Variants in PSD3 observed in about 807,000 individuals in gnomAD.
The protein encoded by PSD3 is pleckstrin and Sec7 domain containing 3, also known as PH and SEC7 domain-containing protein 3.
PSD3 carries 49 observed loss-of-function variants against 105.5 expected under a neutral mutation model. The observed-to-expected ratio is 0.46, with a 90% CI of 0.37 to 0.59. The LOEUF is 0.59. Ranked by LOEUF, PSD3 falls within the 20% of genes least tolerant of loss-of-function variation. PSD3 has a pLI of 0.00. For missense variants in PSD3, 1,561 were observed against 1,263.8 expected (o/e 1.24, Z -3.57); for synonymous variants, 557 against 457.8 (o/e 1.22, Z -2.77).
intron 9 of PSD3, among the ~76,000 whole-genome samples, chr8:18,677,258 A>C (rs1800110698): frequency 6.6e-6 from 1 of 152,148 alleles, no homozygotes; most frequent in Non-Finnish European, 1.5e-5. Flanking sequence ...AACAAAAACC[A>C]TTGTCACTTT....
At chr8:18,537,228 C>T (rs1162285775) in intron 15 of PSD3, among the ~76,000 whole-genome samples, 1 of 152,126 alleles carries the variant, frequency 6.6e-6, no homozygotes, top group Non-Finnish European at 1.5e-5. Flanking sequence ...AATATTCATA[C>T]ACAACTGATA....
At chr8:18,798,113 G>C (rs1001503156) in intron 8 of PSD3, among the ~76,000 whole-genome samples, 1 of 152,106 alleles carries the variant, frequency 6.6e-6, no homozygotes, top group Admixed American at 6.6e-5. Flanking sequence ...ATTAGATTGC[G>C]GTAGTCATGT....
chr8:18,570,931 C>T (rs530754166), intron 14 of PSD3, among the ~76,000 whole-genome samples: 1 of 151,870 alleles, frequency 6.6e-6, no homozygotes, highest in African/African-American at 2.4e-5. Context: ...ATGATCTCGG[C>T]TCACTGCAAC....
At chr8:18,787,279 A>T (rs1287830374) in intron 8 of PSD3, among the ~76,000 whole-genome samples, 1 of 152,192 alleles carries the variant, frequency 6.6e-6, no homozygotes, top group African/African-American at 2.4e-5. Context: ...ATACTTTTTC[A>T]TATTTTAAAT....
intron 11 of PSD3, among the ~76,000 whole-genome samples, chr8:18,609,400 T>C (rs1777289308): frequency 2.0e-5 from 3 of 152,208 alleles, no homozygotes; most frequent in South Asian, 4.1e-4. Context: ...ATCCCAATGA[T>C]GGCATTCCAA....
At chr8:18,952,775 G>A (rs998468476) in intron 1 of PSD3, among the ~76,000 whole-genome samples, 5 of 152,104 alleles carry the variant, frequency 3.3e-5, no homozygotes, top group Non-Finnish European at 7.3e-5. Flanking sequence ...AGAGCCCTTC[G>A]AAGCTCTTAC....
intron 14 of PSD3, among the ~76,000 whole-genome samples, chr8:18,562,933 A>AAAC (rs1801492839): frequency 8.3e-6 from 1 of 120,658 alleles, no homozygotes. Context: ...AAGAAAAAGA[A>AAAC]AAAACAAAAA....
At chr8:18,777,883 G>C (rs1213902785) in intron 8 of PSD3, among the ~76,000 whole-genome samples, 1 of 152,080 alleles carries the variant, frequency 6.6e-6, no homozygotes, top group East Asian at 1.9e-4. Flanking sequence ...TCCCTCATGA[G>C]GGAGAGCATA....
At chr8:18,785,417 C>T (rs1346562959) in intron 8 of PSD3, among the ~76,000 whole-genome samples, 1 of 152,130 alleles carries the variant, frequency 6.6e-6, no homozygotes, top group Non-Finnish European at 1.5e-5. Flanking sequence ...AACTTTTCTT[C>T]TGCAGCTTCC....
At chr8:18,849,880 T>C (rs909214900) in intron 4 of PSD3, among the ~76,000 whole-genome samples, 17 of 152,352 alleles carry the variant, frequency 1.1e-4, no homozygotes, top group Admixed American at 6.5e-4. Context: ...CCAAGGGACT[T>C]GCTAGATGCA....
intron 9 of PSD3, among the ~76,000 whole-genome samples, chr8:18,752,501 AATATATATAATATATG>A (rs1805590374): frequency 9.0e-5 from 8 of 88,652 alleles, no homozygotes; most frequent in African/African-American, 4.7e-4. Flanking sequence ...TAATATATAT[AATATATATAATATATG>A]TAATATATAT....
chr8:18,772,738 G>T (rs1272528276), intron 8 of PSD3, among the ~76,000 whole-genome samples: 1 of 152,150 alleles, frequency 6.6e-6, no homozygotes, highest in African/African-American at 2.4e-5. Flanking sequence ...TCGAACCCTT[G>T]ACCTCAGGTG....
chr8:18,813,548 T>C (rs1294709758), intron 4 of PSD3, among the ~76,000 whole-genome samples: 1 of 152,212 alleles, frequency 6.6e-6, no homozygotes, highest in Non-Finnish European at 1.5e-5. Context: ...TGAATTCTGT[T>C]ACAACAGAAG....
At chr8:18,966,813 T>G (rs985360726) in intron 1 of PSD3, among the ~76,000 whole-genome samples, 1 of 152,146 alleles carries the variant, frequency 6.6e-6, no homozygotes, top group Admixed American at 6.5e-5. Flanking sequence ...TTAAATATAT[T>G]TTTAAATGAA....
In PSD3 at chr8:18,906,841, C is replaced by T. The variant is rs905054278; in HGVS notation, c.130+29193G>A. ...TTATATACCTAATTATATACATACA[C>T]GTAAGATTACAATGGAGGCAAAACA... On this transcript the variant is annotated intron_variant, in intron 2 of 15. Coordinates refer to ENST00000327040, the MANE Select transcript of PSD3 (RefSeq NM_015310.4). Among the ~76,000 whole-genome samples the T allele has an allele frequency of 2.6e-5, 4 of 152,118 alleles. No homozygotes were observed. In the East Asian group the frequency reaches 7.7e-4, roughly 29 times the overall value.
At chr8:18,781,327 T>C (rs1248321310) in intron 8 of PSD3, among the ~76,000 whole-genome samples, 1 of 152,218 alleles carries the variant, frequency 6.6e-6, no homozygotes, top group Non-Finnish European at 1.5e-5. Context: ...CATATCCTTT[T>C]TCTATGGCAT....
chr8:19,057,012 G>A (rs1035363744), intron 1 of PSD3, among the ~76,000 whole-genome samples: 3 of 151,946 alleles, frequency 2.0e-5, no homozygotes, highest in Admixed American at 6.6e-5. Context: ...CCTATACGCC[G>A]GTTTGCCTCT....
intron 6 of PSD3, chr8:18,802,367 G>C (rs530164486): frequency 2.3e-4 from 89 of 387,024 alleles, no homozygotes; most frequent in African/African-American, 2.3e-3. Flanking sequence ...ACATGAGATG[G>C]GAAGGAAAAA....
intron 9 of PSD3, among the ~76,000 whole-genome samples, chr8:18,740,047 C>G (rs1437207398): frequency 6.6e-6 from 1 of 152,200 alleles, no homozygotes. Flanking sequence ...AGGGACAAAA[C>G]TGCAAGATGT....
Sources: gnomAD v4.1 joint callset for allele counts (sites outside exome capture counted in the v4.1 genomes callset) on GRCh38, gnomAD v4.1.1 for gene constraint, MANE v1.5 for transcripts, NCBI Gene and HGNC (gene_info 2026-07-23, HGNC 2026-07-21) for gene names.